FARS2: variants seen among roughly 807,000 people sequenced by gnomAD.
FARS2 encodes phenylalanyl-tRNA synthetase 2, mitochondrial, also known as phenylalanine--tRNA ligase, mitochondrial.
A neutral mutation model predicts 46.4 loss-of-function variants in FARS2; 40 were observed. That is an observed-to-expected ratio of 0.86 (90% CI 0.67 to 1.12). FARS2 has a LOEUF of 1.12. Ranked by LOEUF, FARS2 falls within the 50% of genes most tolerant of loss-of-function variation. The pLI, the probability that FARS2 is intolerant of heterozygous loss-of-function variation, is 0.00. For synonymous variants in FARS2, 234 were observed against 214.9 expected (o/e 1.09, Z -0.78); for missense variants, 513 against 567.9 (o/e 0.90, Z 0.98).
At chr6:5,440,932 T>C (rs911821235) in intron 4 of FARS2, among the ~76,000 whole-genome samples, 6 of 151,344 alleles carry the variant, frequency 4.0e-5, no homozygotes, top group African/African-American at 1.2e-4. Context: ...TTTTTTTTTT[T>C]CTTTTTTGAG....
chr6:5,255,416 AG>A, the FARS2 span, among the ~76,000 whole-genome samples: 8 of 152,300 alleles, frequency 5.3e-5, no homozygotes, highest in South Asian at 1.2e-3. Context: ...CTGCTGATTT[AG>A]GGGGAGGAAA....
At chr6:5,571,093 C>T (rs910622058) in intron 5 of FARS2, among the ~76,000 whole-genome samples, 4 of 152,128 alleles carry the variant, frequency 2.6e-5, no homozygotes, top group African/African-American at 9.7e-5. Context: ...ACTTCCACAT[C>T]GTGCATCTAT....
rs73718048 is a variant in FARS2, at chr6:5,295,078, C to A, written c.-22+33418C>A. On this transcript the variant is annotated intron_variant, in intron 1 of 6. Coordinates refer to ENST00000274680, the MANE Select transcript of FARS2 (RefSeq NM_006567.5). ...GGAACTGTGGGCAAAAACCAATATA[C>A]CTCTTAACACCACAGATCGGGGGTG... Among the ~76,000 whole-genome samples the A allele has an allele frequency of 4.4e-3, 664 of 152,262 alleles. 4 individuals are homozygous for A. The highest frequency in any genetic ancestry group is 0.015 in the African/African-American group (629 of 41,530).
At chr6:5,377,121 A>G (rs1489675055) in intron 2 of FARS2, among the ~76,000 whole-genome samples, 2 of 152,262 alleles carry the variant, frequency 1.3e-5, no homozygotes, top group African/African-American at 4.8e-5. Flanking sequence ...GTGAATTTCA[A>G]GTATTTGGCA....
At position 5,352,863 on chromosome 6, in the gene FARS2, A is replaced by G. The variant is rs562062939; in HGVS notation, c.-21-15687A>G. The stretch of plus-strand genomic sequence containing the variant: ...TACATATACATTGTGTAATGATCAA[A>G]TCAGGGTATTTAGCATTTCTGTCAT... On this transcript the variant is annotated intron_variant, in intron 1 of 6. Coordinates refer to ENST00000274680, the MANE Select transcript of FARS2 (RefSeq NM_006567.5). 2.0e-4 allele frequency among the ~76,000 whole-genome samples: 31 copies of G among 152,282 alleles called. No homozygotes were observed. The South Asian group carries it at 3.7e-3, about 18-fold the overall frequency.
chr6:5,623,721 AAATAAATAAAAT>A (rs1561760008), intron 6 of FARS2, among the ~76,000 whole-genome samples: 1 of 74,100 alleles, frequency 1.3e-5, no homozygotes, highest in African/African-American at 6.8e-5. Context: ...CAAAAAAAAT[AAATAAATAAAAT>A]AAAGACTTTG....
At chr6:5,668,792 C>A (rs12216327) in intron 6 of FARS2, among the ~76,000 whole-genome samples, 56,546 of 145,022 alleles carry the variant, frequency 0.39, 11,495 homozygotes, top group East Asian at 0.68. Context: ...CTTCTGTGTT[C>A]AAGTGATTTT....
intron 6 of FARS2, among the ~76,000 whole-genome samples, chr6:5,747,606 G>A (rs1049358016): frequency 2.6e-5 from 4 of 152,184 alleles, no homozygotes; most frequent in African/African-American, 7.2e-5. Flanking sequence ...GTGCCAGATG[G>A]CAGGAGTTGT....
At chr6:5,316,227 T>C (rs1018304551) in intron 1 of FARS2, among the ~76,000 whole-genome samples, 1 of 152,246 alleles carries the variant, frequency 6.6e-6, no homozygotes, top group African/African-American at 2.4e-5. Context: ...TCTAAATGCT[T>C]GTATGTGGGG....
In FARS2 at chr6:5,487,849, C is replaced by T. The variant is rs186279706; in HGVS notation, c.904+56677C>T. 1.1e-3 allele frequency among the ~76,000 whole-genome samples: 166 copies of T among 152,214 alleles called. 1 individual carries two copies. Among genetic ancestry groups the T allele is most frequent in the Non-Finnish European group, 1.2e-3 (84 of 68,010 alleles). ...ACCCCTCAGTGGCTTTACTTGCTTA[C>T]GTCACCTGGTCTCCATGAGGACACA... On this transcript the variant is annotated intron_variant, in intron 4 of 6. Transcript: ENST00000274680.
At chr6:5,286,902 C>G (rs1237081716) in intron 1 of FARS2, among the ~76,000 whole-genome samples, 2 of 152,226 alleles carry the variant, frequency 1.3e-5, no homozygotes, top group Non-Finnish European at 2.9e-5. Context: ...AGAAACTCCT[C>G]CCGGGGCATG....
At chr6:5,480,160 C>G (rs1766368664) in intron 4 of FARS2, among the ~76,000 whole-genome samples, 1 of 152,190 alleles carries the variant, frequency 6.6e-6, no homozygotes, top group Admixed American at 6.5e-5. Flanking sequence ...GGGAGGATAG[C>G]TAATGTGATT....
At chr6:5,438,249 C>A (rs112248517) in intron 4 of FARS2, among the ~76,000 whole-genome samples, 1,877 of 64,574 alleles carry the variant, frequency 0.029, 53 homozygotes, top group African/African-American at 0.11. Flanking sequence ...ACCCCCCGCC[C>A]CCCCCCCCAT....
At chr6:5,490,637 T>C (rs1767049669) in intron 4 of FARS2, among the ~76,000 whole-genome samples, 1 of 152,214 alleles carries the variant, frequency 6.6e-6, no homozygotes, top group Non-Finnish European at 1.5e-5. Flanking sequence ...AGGTGGTACA[T>C]CACTTCTGAG....
At chr6:5,443,580 C>T (rs528362962) in intron 4 of FARS2, among the ~76,000 whole-genome samples, 6 of 152,176 alleles carry the variant, frequency 3.9e-5, no homozygotes, top group Non-Finnish European at 8.8e-5. Context: ...TGAACATGCC[C>T]TGTGTAGCTT....
intron 4 of FARS2, among the ~76,000 whole-genome samples, chr6:5,501,176 A>G (rs1767779387): frequency 1.3e-5 from 2 of 152,126 alleles, no homozygotes; most frequent in African/African-American, 2.4e-5. Flanking sequence ...TCTAAACCTC[A>G]AAGAGTTTAA....
chr6:5,463,287 G>A (rs1765345733), intron 4 of FARS2, among the ~76,000 whole-genome samples: 1 of 152,160 alleles, frequency 6.6e-6, no homozygotes, highest in South Asian at 2.1e-4. Flanking sequence ...ATATAAATAT[G>A]ATTGATTTTC....
In FARS2 at chr6:5,604,134, C is replaced by A. The variant is rs531495971; in HGVS notation, c.1066-9035C>A. On this transcript the variant is annotated intron_variant, in intron 5 of 6. Coordinates refer to ENST00000274680, the MANE Select transcript of FARS2 (RefSeq NM_006567.5). ...AGAGGATCACAAGACTTTATCCTTT[C>A]AAGACACAGATGAGCTGCGGTTCAA... is the stretch of plus-strand genomic sequence containing the variant. Among the ~76,000 whole-genome samples, 6 of 152,288 alleles carry A rather than the reference C, an allele frequency of 3.9e-5. No homozygotes were observed. In the South Asian group the frequency reaches 1.2e-3, roughly 32 times the overall value.
intron 4 of FARS2, 134 bp downstream of exon 4, chr6:5,431,306 C>T (rs1298574511): frequency 6.8e-6 from 6 of 882,030 alleles, no homozygotes; most frequent in Non-Finnish European, 8.9e-6. Flanking sequence ...TCTTCAGATT[C>T]CCCTCTAGAT....
Sources: gnomAD v4.1 joint callset for allele counts (sites outside exome capture counted in the v4.1 genomes callset) on GRCh38, gnomAD v4.1.1 for gene constraint, MANE v1.5 for transcripts, NCBI Gene and HGNC (gene_info 2026-07-23, HGNC 2026-07-21) for gene names.